The following CCDC171 variants were observed in gnomAD, a reference collection of about 807,000 sequenced individuals.
CCDC171 encodes coiled-coil domain containing 171, also known as coiled-coil domain-containing protein 171.
A neutral mutation model predicts 168.2 loss-of-function variants in CCDC171; 177 were observed. The observed-to-expected ratio is 1.05, with a 90% confidence interval of 0.93 to 1.19. The LOEUF is 1.19. CCDC171 is among the 50% of genes most tolerant of loss of function. CCDC171 has a pLI of 0.00. For missense variants in CCDC171, 1,991 were observed against 1,539.0 expected (o/e 1.29, Z -4.91); for synonymous variants, 687 against 540.8 (o/e 1.27, Z -3.75).
intron 21 of CCDC171, among the ~76,000 whole-genome samples, chr9:15,830,653 C>CT (rs1217687672): frequency 2.2e-4 from 33 of 152,160 alleles, no homozygotes; most frequent in Admixed American, 1.6e-3. Flanking sequence ...TAGGAAAACT[C>CT]TTTTTCTTTG....
intron 2 of CCDC171, among the ~76,000 whole-genome samples, chr9:15,564,985 C>A (rs908601994): frequency 6.6e-6 from 1 of 151,878 alleles, no homozygotes; most frequent in Non-Finnish European, 1.5e-5. Context: ...TCTAGACTGC[C>A]TTTTCAGCAA....
chr9:15,985,128 ACT>A (rs1341907357), intron 3 of CCDC171, among the ~76,000 whole-genome samples: 1 of 152,052 alleles, frequency 6.6e-6, no homozygotes, highest in Non-Finnish European at 1.5e-5. Flanking sequence ...AAGAAAATAA[ACT>A]CTATAAAGAC....
intron 6 of CCDC171, among the ~76,000 whole-genome samples, chr9:15,599,091 A>C: frequency 6.6e-6 from 1 of 151,914 alleles, no homozygotes; most frequent in East Asian, 1.9e-4. Flanking sequence ...ATGGGCCTTG[A>C]CTCTTTATCC....
At chr9:15,976,734 C>T (rs1190663132), downstream of CCDC171, among the ~76,000 whole-genome samples, 1 of 151,472 alleles carries the variant, frequency 6.6e-6, no homozygotes, top group African/African-American at 2.4e-5. Context: ...TTTCTCCCTG[C>T]CTTTTGTTAT....
chr9:15,874,597 C>G lies in CCDC171; in HGVS notation c.3534C>G (p.Pro1178=). Residue 1178 remains proline, a synonymous_variant, in exon 24 of 26, where the codon CCC becomes CCG. Coordinates refer to ENST00000380701, the MANE Select transcript of CCDC171 (RefSeq NM_173550.4). The stretch of plus-strand genomic sequence containing the variant: ...GGAATGACTTCACCCTACAGCTACC[C>G]AAACTGCACCTGGAGACCTTTGCAA... ...ASRNDFTLQL[P]KLHLETFAME... is the part of the protein sequence containing the mutation. The G allele has an allele frequency of 6.2e-7, 1 of 1,607,136 alleles. No homozygotes were observed. Among genetic ancestry groups the G allele is most frequent in the Non-Finnish European group, 8.5e-7 (1 of 1,176,922 alleles).
chr9:15,742,134 C>G (rs1486882496), intron 16 of CCDC171, among the ~76,000 whole-genome samples: 1 of 152,042 alleles, frequency 6.6e-6, no homozygotes, highest in Non-Finnish European at 1.5e-5. Flanking sequence ...TGGAATCAAC[C>G]TTTGTGATGT....
At chr9:15,845,350 G>A (rs904847552) in intron 21 of CCDC171, among the ~76,000 whole-genome samples, 2 of 152,014 alleles carry the variant, frequency 1.3e-5, no homozygotes, top group Non-Finnish European at 2.9e-5. Flanking sequence ...CTCATAAGTA[G>A]TCATAGTTTG....
chr9:16,080,004 G>A, the CCDC171 span, among the ~76,000 whole-genome samples: 1 of 152,188 alleles, frequency 6.6e-6, no homozygotes, highest in East Asian at 1.9e-4. Flanking sequence ...TTCCATGCTT[G>A]TGATGTGGGG....
intron 2 of CCDC171, among the ~76,000 whole-genome samples, chr9:15,569,841 AC>A (rs756004926): frequency 0.43 from 62,510 of 146,998 alleles, 13,445 homozygotes; most frequent in East Asian, 0.7. Flanking sequence ...CAAAAAACAA[AC>A]AAACAAAAAA....
chr9:15,632,498 A>G (rs1217039077), intron 7 of CCDC171, among the ~76,000 whole-genome samples: 42 of 152,132 alleles, frequency 2.8e-4, no homozygotes, highest in Non-Finnish European at 4.4e-4. Context: ...AGAGCTACAA[A>G]CCACTGCTCA....
At chr9:15,839,380 A>G (rs2060579678) in intron 21 of CCDC171, among the ~76,000 whole-genome samples, 1 of 152,162 alleles carries the variant, frequency 6.6e-6, no homozygotes, top group African/African-American at 2.4e-5. Flanking sequence ...AAATCTGAAG[A>G]CGTTGTTACT....
At chr9:15,766,755 A>G (rs1185003186) in intron 18 of CCDC171, among the ~76,000 whole-genome samples, 1 of 152,086 alleles carries the variant, frequency 6.6e-6, no homozygotes, top group Non-Finnish European at 1.5e-5. Context: ...TTCTGGGCCC[A>G]AGGGATCCTC....
intron 21 of CCDC171, among the ~76,000 whole-genome samples, chr9:15,836,382 T>G (rs1434283513): frequency 6.6e-6 from 1 of 152,232 alleles, no homozygotes; most frequent in Non-Finnish European, 1.5e-5. Context: ...TTTTTATTTT[T>G]TGAAACGGAG....
At chr9:15,860,121 G>T (rs886987277) in intron 23 of CCDC171, among the ~76,000 whole-genome samples, 1 of 147,132 alleles carries the variant, frequency 6.8e-6, no homozygotes, top group Admixed American at 6.8e-5. Context: ...TGTGGTATCA[G>T]TTATAATTTG....
At chr9:15,937,645 A>G (rs1247316371) in intron 25 of CCDC171, among the ~76,000 whole-genome samples, 2 of 152,016 alleles carry the variant, frequency 1.3e-5, no homozygotes, top group East Asian at 3.9e-4. Flanking sequence ...AACAACAAAC[A>G]TAAAGAGTCA....
chr9:16,006,372 T>G lies in CCDC171; in HGVS notation n.369-14217T>G, dbSNP rs560957078. Among the ~76,000 whole-genome samples the G allele has an allele frequency of 5.3e-5, 8 of 152,226 alleles. No homozygotes were observed. The South Asian group carries it at 1.4e-3, about 28-fold the overall frequency. The stretch of plus-strand genomic sequence containing the variant: ...ATGATGTTGAGCATGTTTTCATGTG[T>G]TTATGAGCTATTCGTATATCTTTGA... On this transcript the variant is annotated intron_variant and non_coding_transcript_variant, in intron 3 of 9. Transcript: ENST00000486641.
At chr9:15,588,419 C>A (rs1429389169) in intron 4 of CCDC171, 2 of 289,414 alleles carry the variant, frequency 6.9e-6, no homozygotes, top group Admixed American at 4.7e-5. Context: ...AGAAGATCTG[C>A]AAGGTTGTCT....
intron 4 of CCDC171, among the ~76,000 whole-genome samples, chr9:15,587,359 G>A (rs1446132739): frequency 1.3e-5 from 2 of 152,122 alleles, no homozygotes; most frequent in South Asian, 2.1e-4. Context: ...TGGGTCTCAC[G>A]AGATCTGATG....
chr9:15,979,477 G>A (rs1831726113), intron 3 of CCDC171, among the ~76,000 whole-genome samples: 1 of 152,014 alleles, frequency 6.6e-6, no homozygotes, highest in African/African-American at 2.4e-5. Context: ...TTTTAGTTTT[G>A]TTGGCTGTTT....
Sources: gnomAD v4.1 joint callset for allele counts (sites outside exome capture counted in the v4.1 genomes callset) on GRCh38, gnomAD v4.1.1 for gene constraint, MANE v1.5 for transcripts, NCBI Gene and HGNC (gene_info 2026-07-23, HGNC 2026-07-21) for gene names.